Variants in CPED1 observed in about 807,000 individuals in gnomAD.
CPED1 encodes cadherin like and PC-esterase domain containing 1, also known as cadherin-like and PC-esterase domain-containing protein 1.
A neutral mutation model predicts 128.2 loss-of-function variants in CPED1; 114 were observed. The observed-to-expected ratio is 0.89, with a 90% CI of 0.76 to 1.04. The LOEUF is 1.04. Among genes scored for constraint, CPED1 ranks in the 50% least tolerant of loss-of-function variants. The probability of loss-of-function intolerance (pLI) is 0.00; values close to 1 mark genes in which losing one functional copy is unlikely to be tolerated. For synonymous variants in CPED1, 462 were observed against 426.7 expected, an observed-to-expected ratio of 1.08 and a Z score of -1.02; for missense variants, 1,211 against 1,207.1, an observed-to-expected ratio of 1.00 and a Z score of -0.05.
chr7:121,190,602 C>T (rs568562879), intron 16 of CPED1, among the ~76,000 whole-genome samples: 2 of 152,062 alleles, frequency 1.3e-5, no homozygotes, highest in East Asian at 3.9e-4. Flanking sequence ...TTTTCAGGAA[C>T]TAATTTCAAT....
intron 16 of CPED1, among the ~76,000 whole-genome samples, chr7:121,144,845 A>T (rs1244297903): frequency 1.3e-5 from 2 of 152,036 alleles, no homozygotes; most frequent in Non-Finnish European, 2.9e-5. Context: ...AAACAAAAAA[A>T]ATTAAAAGAA....
At chr7:121,074,961 C>T (rs1412444064) in intron 5 of CPED1, among the ~76,000 whole-genome samples, 1 of 152,104 alleles carries the variant, frequency 6.6e-6, no homozygotes, top group African/African-American at 2.4e-5. Flanking sequence ...TACCATGGTC[C>T]ATATGCTGGA....
intron 18 of CPED1, among the ~76,000 whole-genome samples, chr7:121,246,976 C>T (rs1798555323): frequency 6.6e-6 from 1 of 152,174 alleles, no homozygotes; most frequent in African/African-American, 2.4e-5. Context: ...TCTACATAGA[C>T]TGATGTATTT....
At chr7:121,013,114 C>T (rs1194021817) in intron 2 of CPED1, among the ~76,000 whole-genome samples, 1 of 152,164 alleles carries the variant, frequency 6.6e-6, no homozygotes, top group Non-Finnish European at 1.5e-5. Flanking sequence ...TGGGAAGCAT[C>T]TGTCTTCCCC....
intron 3 of CPED1, among the ~76,000 whole-genome samples, chr7:121,023,786 C>A (rs76697625): frequency 6.6e-6 from 1 of 152,122 alleles, no homozygotes; most frequent in African/African-American, 2.4e-5. Flanking sequence ...TTCTTTCCCC[C>A]CTCTAGCCCC....
intron 7 of CPED1, among the ~76,000 whole-genome samples, chr7:121,113,851 C>T (rs1175457596): frequency 3.3e-5 from 5 of 151,646 alleles, no homozygotes; most frequent in South Asian, 2.1e-4. Flanking sequence ...TTCTTTGAGA[C>T]AGAACCTCTT....
At chr7:120,997,936 ATAAAAT>A (rs1796436835) in intron 2 of CPED1, among the ~76,000 whole-genome samples, 1 of 122,996 alleles carries the variant, frequency 8.1e-6, no homozygotes, top group Admixed American at 7.4e-5. Flanking sequence ...AAAAAATAAA[ATAAAAT>A]AAAATAAAAT....
At chr7:121,192,978 C>A (rs774863989) in intron 16 of CPED1, among the ~76,000 whole-genome samples, 1 of 152,110 alleles carries the variant, frequency 6.6e-6, no homozygotes, top group Non-Finnish European at 1.5e-5. Flanking sequence ...TCTGGGACAC[C>A]ACAGTGCTTT....
At chr7:121,033,293 T>C (rs2116864818) in intron 3 of CPED1, among the ~76,000 whole-genome samples, 1 of 152,364 alleles carries the variant, frequency 6.6e-6, no homozygotes, top group East Asian at 1.9e-4. Flanking sequence ...TCATTTCCTG[T>C]GTTTTCTTCA....
At chr7:121,089,180 T>C (rs1395338616) in intron 5 of CPED1, among the ~76,000 whole-genome samples, 1 of 152,224 alleles carries the variant, frequency 6.6e-6, no homozygotes, top group African/African-American at 2.4e-5. Context: ...TTCTGACATA[T>C]TTCCATGTTT....
At position 121,219,561 on chromosome 7, in the gene CPED1, T is replaced by G. The variant is rs144339825; in HGVS notation, c.2056-17153T>G. On this transcript the variant is annotated intron_variant, in intron 16 of 22. Transcript: ENST00000310396. ...CATTTGCTTGTAATTTGTTTCAATT[T>G]CCTTCCTTCCTGAGTTCCTTGCAGA... is the stretch of plus-strand genomic sequence containing the variant. Among the ~76,000 whole-genome samples, 799 of 152,188 alleles carry G rather than the reference T, an allele frequency of 5.3e-3. 6 individuals are homozygous for G. Among genetic ancestry groups the G allele is most frequent in the African/African-American group, 0.018 (735 of 41,564 alleles).
chr7:121,166,104 G>A (rs1796516710), intron 16 of CPED1, among the ~76,000 whole-genome samples: 1 of 150,344 alleles, frequency 6.7e-6, no homozygotes, highest in Non-Finnish European at 1.5e-5. Context: ...TCTGCCACAA[G>A]GGCCTGAGTG....
At chr7:121,000,811 A>C (rs1024617900) in intron 2 of CPED1, among the ~76,000 whole-genome samples, 1 of 152,158 alleles carries the variant, frequency 6.6e-6, no homozygotes, top group Non-Finnish European at 1.5e-5. Context: ...TCCAAATTCC[A>C]GCTTTATCCT....
Position 121,064,327 on chromosome 7 carries a change from T to C in CPED1, c.616+14T>C. Reference sequence around the variant, plus strand: ...GAAGATTCCCAGGTAATCTTTCGTTTGCTTCCTTAGGCTTAAACATGTGAG... The same window carrying C: ...GAAGATTCCCAGGTAATCTTTCGTTCGCTTCCTTAGGCTTAAACATGTGAG... On this transcript the variant is annotated intron_variant, in intron 5 of 22. Coordinates refer to ENST00000310396, the MANE Select transcript of CPED1 (RefSeq NM_024913.5). The C allele has an allele frequency of 6.3e-7, 1 of 1,595,512 alleles. No individual in the cohort carries two copies. Among genetic ancestry groups the C allele is most frequent in the South Asian group, 1.1e-5 (1 of 90,656 alleles).
chr7:121,023,352 G>A lies in CPED1; in HGVS notation c.433+7504G>A, dbSNP rs1462942240. On this transcript the variant is annotated intron_variant, in intron 3 of 22. Transcript: ENST00000310396. The stretch of plus-strand genomic sequence containing the variant: ...AGGGCATCACTAGGACCAGTTTATG[G>A]AAGGACATTTTATCTATCAGAGTTG... Among the ~76,000 whole-genome samples the A allele has an allele frequency of 3.3e-5, 5 of 152,218 alleles. No homozygotes were observed. In the East Asian group the frequency reaches 9.6e-4, roughly 29 times the overall value.
intron 16 of CPED1, among the ~76,000 whole-genome samples, chr7:121,153,980 A>G (rs576227199): frequency 1.2e-3 from 183 of 152,352 alleles, no homozygotes; most frequent in Non-Finnish European, 2.1e-3. Context: ...TCTGTTATAG[A>G]AAGTCAAAAT....
intron 16 of CPED1, among the ~76,000 whole-genome samples, chr7:121,230,267 T>C (rs1488266641): frequency 6.6e-6 from 1 of 151,988 alleles, no homozygotes; most frequent in African/African-American, 2.4e-5. Context: ...GATTGGCTGC[T>C]AGGGGCAATG....
At chr7:121,271,756 A>G (rs142372271) in intron 22 of CPED1, among the ~76,000 whole-genome samples, 2 of 152,092 alleles carry the variant, frequency 1.3e-5, no homozygotes, top group African/African-American at 2.4e-5. Flanking sequence ...TGCATCCAAA[A>G]AAAAGGTGGC....
At chr7:121,047,710 T>TCCTCCTCCTCC (rs1793247257) in intron 4 of CPED1, among the ~76,000 whole-genome samples, 1 of 57,196 alleles carries the variant, frequency 1.7e-5, no homozygotes, top group African/African-American at 7.3e-5. Flanking sequence ...CTTCTTCTTC[T>TCCTCCTCCTCC]TCTTCTTTTT....
Sources: gnomAD v4.1 joint callset for allele counts (sites outside exome capture counted in the v4.1 genomes callset) on GRCh38, gnomAD v4.1.1 for gene constraint, MANE v1.5 for transcripts, NCBI Gene and HGNC (gene_info 2026-07-23, HGNC 2026-07-21) for gene names.